SIPA1L2: variants seen among roughly 807,000 people sequenced by gnomAD.
The protein encoded by SIPA1L2 is signal-induced proliferation-associated 1-like protein 2.
A neutral mutation model predicts 163.9 loss-of-function variants in SIPA1L2; 56 were observed. The ratio of observed to expected loss-of-function variants is 0.34; its 90% CI spans 0.28 to 0.43. The LOEUF is 0.43. Ranked by LOEUF, SIPA1L2 falls within the 20% of genes least tolerant of loss-of-function variation. The probability of loss-of-function intolerance (pLI) is 1.00; values close to 1 mark genes in which losing one functional copy is unlikely to be tolerated. For missense variants in SIPA1L2, 1,974 were observed against 2,193.5 expected, an observed-to-expected ratio of 0.90 and a Z score of 2.00; for synonymous variants, 877 against 865.7, an observed-to-expected ratio of 1.01 and a Z score of -0.23.
At chr1:232,522,408 G>A (rs1260453077) in intron 2 of SIPA1L2, among the ~76,000 whole-genome samples, 2 of 151,562 alleles carry the variant, frequency 1.3e-5, no homozygotes, top group Non-Finnish European at 2.9e-5. Flanking sequence ...ACTAAGAGGT[G>A]TTATCCATCA....
chr1:232,508,233 A>C (rs138893601), intron 3 of SIPA1L2, among the ~76,000 whole-genome samples: 2 of 152,234 alleles, frequency 1.3e-5, no homozygotes, highest in African/African-American at 4.8e-5. Context: ...ACGGAGGCCC[A>C]GCTTCATCCT....
chr1:232,416,211 A>C (rs1661254908), intron 18 of SIPA1L2, among the ~76,000 whole-genome samples: 1 of 152,242 alleles, frequency 6.6e-6, no homozygotes, highest in Non-Finnish European at 1.5e-5. Context: ...GTCAGTCAGC[A>C]CAGGAACCAC....
intron 2 of SIPA1L2, among the ~76,000 whole-genome samples, chr1:232,552,961 C>A (rs1330321526): frequency 6.6e-6 from 1 of 152,134 alleles, no homozygotes; most frequent in African/African-American, 2.4e-5. Flanking sequence ...TGGGTGCCTG[C>A]GACTCCCAAA....
chr1:232,579,799 A>T (rs1020890342), intron 1 of SIPA1L2, among the ~76,000 whole-genome samples: 3 of 152,336 alleles, frequency 2.0e-5, no homozygotes, highest in Non-Finnish European at 4.4e-5. Context: ...AAATATATTA[A>T]TATGAACAGA....
rs1660510578 is a variant in SIPA1L2, at chr1:232,404,181, G to C, written c.4763-3C>G. The stretch of plus-strand genomic sequence containing the variant: ...CAGTTCTTCATCTGAGTCAAGACCT[G>C]AAATAAGATTTAGAATTTTCCTATG... On this transcript the variant is annotated splice_region_variant and splice_polypyrimidine_tract_variant and intron_variant, in intron 19 of 22. Transcript: ENST00000674635. The C allele has an allele frequency of 1.9e-6, 3 of 1,613,912 alleles. No homozygotes were observed. The highest frequency in any genetic ancestry group is 2.5e-6 in the Non-Finnish European group (3 of 1,179,904).
intron 1 of SIPA1L2, among the ~76,000 whole-genome samples, chr1:232,582,813 G>T (rs574134141): frequency 6.8e-5 from 10 of 146,644 alleles, no homozygotes; most frequent in Non-Finnish European, 1.5e-4. Flanking sequence ...ATTCTTCTCT[G>T]AGCTTTTAAG....
chr1:232,508,697 A>G (rs1666842528), intron 3 of SIPA1L2, among the ~76,000 whole-genome samples: 1 of 152,242 alleles, frequency 6.6e-6, no homozygotes, highest in African/African-American at 2.4e-5. Context: ...AGAAACAGTA[A>G]TGTGACAAAC....
At chr1:232,553,533 G>T (rs898364389) in intron 2 of SIPA1L2, among the ~76,000 whole-genome samples, 5 of 152,108 alleles carry the variant, frequency 3.3e-5, no homozygotes, top group Non-Finnish European at 5.9e-5. Context: ...CCTGTCTCTT[G>T]TCCATATCAC....
At chr1:232,426,504 C>G (rs1042495925) in intron 17 of SIPA1L2, among the ~76,000 whole-genome samples, 17 of 152,008 alleles carry the variant, frequency 1.1e-4, no homozygotes, top group African/African-American at 3.9e-4. Context: ...ACTAAAAATA[C>G]AAAAAATTAG....
Position 232,439,272 on chromosome 1 carries a change from C to A in SIPA1L2, c.3867G>T (p.Leu1289=). 5 of 1,614,074 alleles carry A rather than the reference C, an allele frequency of 3.1e-6. No homozygotes were observed. Among genetic ancestry groups the A allele is most frequent in the Non-Finnish European group, 4.2e-6 (5 of 1,180,034 alleles). ...CCCACTGCTCGGCCCGGCTGTGGATCAGGGACCTGCTGCCTGCCAGGTGCA... is the reference window on the plus strand; with the variant it reads ...CCCACTGCTCGGCCCGGCTGTGGATAAGGGACCTGCTGCCTGCCAGGTGCA... The part of the protein sequence containing the change: ...GPVHLAGSRS[L]IHSRAEQWAD... Residue 1289 remains leucine, a synonymous_variant, in exon 15 of 23, where the codon CTG becomes CTT. Coordinates refer to ENST00000674635, the MANE Select transcript of SIPA1L2 (RefSeq NM_020808.5).
At chr1:232,441,650 C>T in intron 13 of SIPA1L2, 118 bp downstream of exon 13, 3 of 933,054 alleles carry the variant, frequency 3.2e-6, no homozygotes, top group Middle Eastern at 4.4e-4. Flanking sequence ...CTGATCACCT[C>T]AACTTGGTGC....
intron 5 of SIPA1L2, among the ~76,000 whole-genome samples, chr1:232,485,155 T>G (rs542035912): frequency 2.0e-5 from 3 of 152,340 alleles, no homozygotes; most frequent in African/African-American, 7.2e-5. Flanking sequence ...ATATTCTGAA[T>G]GCATTCCGAT....
rs75449163 is a variant in SIPA1L2, at chr1:232,431,701, CAT to C, written c.4256+544_4256+545del. Among the ~76,000 whole-genome samples, 5,618 of 152,268 alleles carry C rather than the reference CAT, an allele frequency of 0.037. 618 individuals carry two copies. In the East Asian group the frequency reaches 0.42, roughly 11 times the overall value. ...ACCTGTCTCTTCACAGAGGCATCAGCATAGTTTTCACAAGTGTTGTAAGATGG... is the reference window on the plus strand; with the variant it reads ...ACCTGTCTCTTCACAGAGGCATCAGCAGTTTTCACAAGTGTTGTAAGATGG... On this transcript the variant is annotated intron_variant, in intron 16 of 22. Coordinates refer to ENST00000674635, the MANE Select transcript of SIPA1L2 (RefSeq NM_020808.5).
At chr1:232,424,982 T>C (rs1661800300) in intron 18 of SIPA1L2, among the ~76,000 whole-genome samples, 1 of 152,174 alleles carries the variant, frequency 6.6e-6, no homozygotes, top group Non-Finnish European at 1.5e-5. Flanking sequence ...AAATCAAAGA[T>C]TTTTAGGATT....
At position 232,471,365 on chromosome 1, in the gene SIPA1L2, A is replaced by C; in HGVS notation, c.2243+6T>G. 1.2e-6 allele frequency: 2 copies of C among 1,609,990 alleles called. No homozygotes were observed. Among genetic ancestry groups the C allele is most frequent in the Non-Finnish European group, 1.7e-6 (2 of 1,178,640 alleles). ...GAGAATGATAGATCAGGGATGACTG[A>C]CTCACCTATAACACACATTTTCGGT... On this transcript the variant is annotated splice_donor_region_variant and intron_variant, in intron 8 of 22. Transcript: ENST00000674635.
intron 19 of SIPA1L2, among the ~76,000 whole-genome samples, chr1:232,408,526 C>A (rs934256911): frequency 6.6e-6 from 1 of 152,032 alleles, no homozygotes; most frequent in East Asian, 1.9e-4. Context: ...TATAATGATA[C>A]CAGCTGTGAG....
intron 2 of SIPA1L2, among the ~76,000 whole-genome samples, chr1:232,547,893 T>C (rs1022656595): frequency 6.6e-6 from 1 of 152,100 alleles, no homozygotes; most frequent in Non-Finnish European, 1.5e-5. Context: ...TGGCTGACTG[T>C]GAATGCAGTG....
At chr1:232,581,805 G>A (rs558203780) in intron 1 of SIPA1L2, among the ~76,000 whole-genome samples, 2 of 152,002 alleles carry the variant, frequency 1.3e-5, no homozygotes, top group South Asian at 2.1e-4. Flanking sequence ...CTATCAAGAC[G>A]TCCCCTTACC....
chr1:232,441,467 C>T (rs1322179238), intron 13 of SIPA1L2, 73 bp from the exon 14 acceptor site: 1 of 1,250,766 alleles, frequency 8.0e-7, no homozygotes, highest in African/African-American at 1.5e-5. Context: ...AACCAGGAGT[C>T]AGACAAGTGG....
Sources: gnomAD v4.1 joint callset for allele counts (sites outside exome capture counted in the v4.1 genomes callset) on GRCh38, gnomAD v4.1.1 for gene constraint, MANE v1.5 for transcripts, NCBI Gene and HGNC (gene_info 2026-07-23, HGNC 2026-07-21) for gene names.